Variants in ST8SIA5 observed in about 807,000 individuals in gnomAD.
ST8SIA5 encodes the protein alpha-2,8-sialyltransferase 8E.
Under a neutral mutation model 40.2 loss-of-function variants are expected in ST8SIA5, and 24 were observed. The observed-to-expected ratio is 0.60, with a 90% CI of 0.43 to 0.84. The LOEUF is 0.84. ST8SIA5 is among the 40% of genes least tolerant of loss of function. The probability of loss-of-function intolerance (pLI) is 0.00; values close to 1 mark genes in which losing one functional copy is unlikely to be tolerated. For synonymous variants in ST8SIA5, 198 were observed against 201.8 expected (o/e 0.98, Z 0.16); for missense variants, 465 against 498.5 (o/e 0.93, Z 0.64).
intron 2 of ST8SIA5, among the ~76,000 whole-genome samples, chr18:46,693,566 C>T (rs2365673): frequency 0.18 from 26,675 of 152,212 alleles, 2,649 homozygotes; most frequent in South Asian, 0.24. Flanking sequence ...GCAAAAAGAA[C>T]TCATTTTTAA....
In ST8SIA5 at chr18:46,738,290, A is replaced by T. The variant is rs138306207; in HGVS notation, c.131+18088T>A. 2.0e-5 allele frequency among the ~76,000 whole-genome samples: 3 copies of T among 150,590 alleles called. No homozygotes were observed. The East Asian group carries it at 5.8e-4, about 29-fold the overall frequency. On this transcript the variant is annotated intron_variant, in intron 1 of 6. Coordinates refer to ENST00000315087, the MANE Select transcript of ST8SIA5 (RefSeq NM_013305.6). Reference sequence around the variant, plus strand: ...AGGTGGGTGGGGCAAGGAAGAAGAGACGGAATCCGGGAGTAAGAGGGTATC... The same window carrying T: ...AGGTGGGTGGGGCAAGGAAGAAGAGTCGGAATCCGGGAGTAAGAGGGTATC...
Position 46,711,856 on chromosome 18 carries a change from T to A in ST8SIA5, c.132-7192A>T, listed in dbSNP as rs542378170. On this transcript the variant is annotated intron_variant, in intron 1 of 6. Coordinates refer to ENST00000315087, the MANE Select transcript of ST8SIA5 (RefSeq NM_013305.6). Reference sequence around the variant, plus strand: ...GCAGCCTTGAACTTCACCTGCCCTCTTTGGGCCACAGTTCACTCATCTGTC... The same window carrying A: ...GCAGCCTTGAACTTCACCTGCCCTCATTGGGCCACAGTTCACTCATCTGTC... Among the ~76,000 whole-genome samples, 6 of 152,340 alleles carry A rather than the reference T, an allele frequency of 3.9e-5. No individual in the cohort carries two copies. The East Asian group carries it at 1.2e-3, about 29-fold the overall frequency.
intron 1 of ST8SIA5, among the ~76,000 whole-genome samples, chr18:46,729,766 G>A (rs578221025): frequency 4.6e-5 from 7 of 152,282 alleles, no homozygotes; most frequent in African/African-American, 1.4e-4. Context: ...AATTACAAAC[G>A]GACTTCTTCA....
intron 3 of ST8SIA5, among the ~76,000 whole-genome samples, chr18:46,690,058 C>T (rs747426664): frequency 1.2e-4 from 18 of 152,122 alleles, no homozygotes; most frequent in Admixed American, 2.6e-4. Flanking sequence ...CATGGATTGG[C>T]ATTACAAACT....
chr18:46,745,014 CA>C (rs2040125450), intron 1 of ST8SIA5, among the ~76,000 whole-genome samples: 1 of 152,064 alleles, frequency 6.6e-6, no homozygotes, highest in South Asian at 2.1e-4. Flanking sequence ...TCTTTGAAAC[CA>C]ATGAGAACAA....
In ST8SIA5 at chr18:46,729,912, C is replaced by T. The variant is rs139350638; in HGVS notation, c.132-25248G>A. On this transcript the variant is annotated intron_variant, in intron 1 of 6. Transcript: ENST00000315087. ...GGGGGTGGTGAGAGGACAGAAAATG[C>T]AGTGAACTGGAGGAGGCCAGGCCAG... Among the ~76,000 whole-genome samples the T allele has an allele frequency of 9.9e-5, 15 of 152,066 alleles. 1 individual carries two copies. The South Asian group carries it at 1.2e-3, about 13-fold the overall frequency.
At chr18:46,725,972 A>AATATATATATAT (rs1555696955) in intron 1 of ST8SIA5, among the ~76,000 whole-genome samples, 11 of 29,044 alleles carry the variant, frequency 3.8e-4, no homozygotes, top group East Asian at 2.1e-3. Context: ...AAAAAAAAAA[A>AATATATATATAT]ATATATATAT....
intron 1 of ST8SIA5, among the ~76,000 whole-genome samples, chr18:46,716,958 C>T (rs1055793588): frequency 6.6e-6 from 1 of 152,200 alleles, no homozygotes; most frequent in Non-Finnish European, 1.5e-5. Flanking sequence ...TGAGTGAAGC[C>T]CTTTGTGCTG....
At position 46,677,725 on chromosome 18, in the gene ST8SIA5, G is replaced by A. The variant is rs1433423210; in HGVS notation, c.*2317C>T. 1 of 152,134 alleles carries A rather than the reference G, an allele frequency of 6.6e-6. No individual in the cohort carries two copies. Among genetic ancestry groups the A allele is most frequent in the East Asian group, 1.9e-4 (1 of 5,180 alleles). The allele number at this position is 152,134 out of a possible 1,614,324, so 9.4% of individuals were successfully genotyped here. On this transcript the variant is annotated 3_prime_UTR_variant, in exon 7 of 7. Transcript: ENST00000315087. ...TGCTCCAATCCTCAGCTCCTACGAG[G>A]GCCCTGGCTGGGGCAGATTCCAACC...
chr18:46,719,987 T>C (rs1231480394), intron 1 of ST8SIA5, among the ~76,000 whole-genome samples: 4 of 151,846 alleles, frequency 2.6e-5, no homozygotes, highest in Admixed American at 1.3e-4. Flanking sequence ...TACAGGCATG[T>C]GCCACCACAC....
chr18:46,683,850 A>G lies in ST8SIA5; in HGVS notation c.570-1786T>C, dbSNP rs538137755. Among the ~76,000 whole-genome samples the G allele has an allele frequency of 4.6e-5, 7 of 152,296 alleles. No individual in the cohort carries two copies. The South Asian group carries it at 1.5e-3, about 32-fold the overall frequency. ...AGACATCAATAACCTTGGGTGGCAG[A>G]TATTAGGCTCACTGTGTTGCAAATG... On this transcript the variant is annotated intron_variant, in intron 5 of 6. Transcript: ENST00000315087.
chr18:46,705,018 A>G (rs2039656521), intron 1 of ST8SIA5, among the ~76,000 whole-genome samples: 1 of 152,274 alleles, frequency 6.6e-6, no homozygotes, highest in Non-Finnish European at 1.5e-5. Context: ...CAGAGAAAGC[A>G]GAGAGACCAG....
At chr18:46,685,622 C>T (rs2039438773) in intron 5 of ST8SIA5, among the ~76,000 whole-genome samples, 1 of 152,182 alleles carries the variant, frequency 6.6e-6, no homozygotes, top group African/African-American at 2.4e-5. Context: ...CTTCATGCGA[C>T]CCCACTGCAG....
chr18:46,750,315 AC>A (rs2144573159), intron 1 of ST8SIA5, among the ~76,000 whole-genome samples: 1 of 152,276 alleles, frequency 6.6e-6, no homozygotes, highest in South Asian at 2.1e-4. Context: ...AAGTGTAAAC[AC>A]CTGAAGTTGT....
At chr18:46,743,859 G>C (rs762041296) in intron 1 of ST8SIA5, among the ~76,000 whole-genome samples, 1 of 152,186 alleles carries the variant, frequency 6.6e-6, no homozygotes, top group African/African-American at 2.4e-5. Context: ...AACTAACAGC[G>C]GATCTCTCAG....
intron 4 of ST8SIA5, among the ~76,000 whole-genome samples, chr18:46,687,439 C>A (rs900493054): frequency 6.6e-6 from 1 of 152,144 alleles, no homozygotes; most frequent in African/African-American, 2.4e-5. Flanking sequence ...TGGCCTTCAG[C>A]GGTCCATAGG....
At chr18:46,719,132 C>T (rs1055886264) in intron 1 of ST8SIA5, among the ~76,000 whole-genome samples, 1 of 152,126 alleles carries the variant, frequency 6.6e-6, no homozygotes, top group Non-Finnish European at 1.5e-5. Context: ...TGTGGTCATG[C>T]CATTTATTCT....
intron 1 of ST8SIA5, among the ~76,000 whole-genome samples, chr18:46,725,972 AATATATAT>A (rs1555696955): frequency 2.1e-4 from 6 of 29,092 alleles, no homozygotes; most frequent in East Asian, 2.1e-3. Flanking sequence ...AAAAAAAAAA[AATATATAT>A]ATATATATAT....
chr18:46,698,643 G>A (rs2039580632), intron 2 of ST8SIA5, among the ~76,000 whole-genome samples: 1 of 152,238 alleles, frequency 6.6e-6, no homozygotes, highest in East Asian at 1.9e-4. Context: ...CCTCCCACCT[G>A]TCACTTCTTG....
Sources: allele counts gnomAD v4.1 joint callset (sites outside exome capture counted in the v4.1 genomes callset), GRCh38; gene constraint gnomAD v4.1.1; transcripts MANE v1.5; gene names NCBI Gene and HGNC (gene_info 2026-07-23, HGNC 2026-07-21).